The following FBXO34 variants were observed in gnomAD, a reference collection of about 807,000 sequenced individuals.
The protein encoded by FBXO34 is F-box protein 34, also known as F-box only protein 34.
Under a neutral mutation model 24.5 loss-of-function variants are expected in FBXO34, and 12 were observed. That is an observed-to-expected ratio of 0.49 (90% confidence interval 0.31 to 0.79). The LOEUF is 0.79. FBXO34 is among the 30% of genes least tolerant of loss of function. FBXO34 has a pLI of 0.04. For synonymous variants in FBXO34, 320 were observed against 311.9 expected, an observed-to-expected ratio of 1.03 and a Z score of -0.27; for missense variants, 823 against 857.7, an observed-to-expected ratio of 0.96 and a Z score of 0.51.
chr14:55,433,580 T>G, the FBXO34 span: 1 of 1,536,050 alleles, frequency 6.5e-7, no homozygotes, highest in Non-Finnish European at 9.0e-7. Flanking sequence ...TTCCTTGTTT[T>G]ACATACTAAA....
the FBXO34 span, among the ~76,000 whole-genome samples, chr14:55,398,705 C>T: frequency 0.014 from 2,104 of 152,174 alleles, 56 homozygotes; most frequent in African/African-American, 0.048. Flanking sequence ...GAAAGTTCCA[C>T]GCGTACTTGA....
intron 1 of FBXO34, chr14:55,282,235 C>T (rs567369613): frequency 1.5e-4 from 41 of 279,388 alleles, no homozygotes; most frequent in South Asian, 1.3e-3. Context: ...CCTCATGATC[C>T]GCCCGCCTCA....
chr14:55,333,054 G>A (rs1395342544), intron 1 of FBXO34, among the ~76,000 whole-genome samples: 1 of 152,176 alleles, frequency 6.6e-6, no homozygotes, highest in Non-Finnish European at 1.5e-5. Context: ...GAAGATGTGC[G>A]TGTTTTCTCT....
chr14:55,326,416 A>G (rs1883344992), intron 1 of FBXO34, among the ~76,000 whole-genome samples: 1 of 152,194 alleles, frequency 6.6e-6, no homozygotes, highest in African/African-American at 2.4e-5. Context: ...ATGTTGTGTT[A>G]GATTTTGAAG....
chr14:55,323,017 C>CAAAAAA (rs1444620301), intron 1 of FBXO34, among the ~76,000 whole-genome samples: 10 of 40,876 alleles, frequency 2.4e-4, no homozygotes, highest in African/African-American at 7.1e-4. Context: ...ACTAAAAATA[C>CAAAAAA]AAAAAAAAAA....
chr14:55,356,874 G>A (rs1884530434), downstream of FBXO34, among the ~76,000 whole-genome samples: 1 of 152,046 alleles, frequency 6.6e-6, no homozygotes, highest in African/African-American at 2.4e-5. Flanking sequence ...TCAGTCTTCC[G>A]AGTAGCTGCA....
the FBXO34 span, chr14:55,385,869 T>C: frequency 2.0e-5 from 33 of 1,611,236 alleles, no homozygotes; most frequent in Admixed American, 1.7e-4. Flanking sequence ...CTCACACCCG[T>C]CTTTACTTCC....
intron 1 of FBXO34, among the ~76,000 whole-genome samples, chr14:55,274,483 A>T (rs950278890): frequency 5.9e-5 from 9 of 152,140 alleles, no homozygotes; most frequent in Non-Finnish European, 1.0e-4. Flanking sequence ...AAATGGTTTT[A>T]TGGAAATTAA....
At chr14:55,323,210 AAAAAAAAAAT>A (rs1883213282) in intron 1 of FBXO34, among the ~76,000 whole-genome samples, 3 of 33,046 alleles carry the variant, frequency 9.1e-5, no homozygotes, top group Non-Finnish European at 1.3e-4. Context: ...AAAAAAAAAA[AAAAAAAAAAT>A]ATATATTTTT....
chr14:55,380,205 G>A, the FBXO34 span, among the ~76,000 whole-genome samples: 36 of 152,170 alleles, frequency 2.4e-4, no homozygotes, highest in East Asian at 4.1e-3. Context: ...CAGAGATTGC[G>A]CCACTGCACT....
At chr14:55,422,286 A>G in the FBXO34 span, among the ~76,000 whole-genome samples, 1 of 152,154 alleles carries the variant, frequency 6.6e-6, no homozygotes, top group South Asian at 2.1e-4. Flanking sequence ...TGAAATGTAT[A>G]AAAAGACAAA....
At chr14:55,282,077 A>C (rs952559421) in intron 1 of FBXO34, among the ~76,000 whole-genome samples, 7 of 136,896 alleles carry the variant, frequency 5.1e-5, no homozygotes, top group African/African-American at 2.0e-4. Context: ...GCTCTCTGCA[A>C]TCTCCGCCTC....
chr14:55,284,549 C>G (rs1211394180), intron 1 of FBXO34, among the ~76,000 whole-genome samples: 54 of 137,648 alleles, frequency 3.9e-4, no homozygotes, highest in Non-Finnish European at 5.9e-4. Context: ...GATTTATTTT[C>G]TTCTCTTTTT....
intron 1 of FBXO34, among the ~76,000 whole-genome samples, chr14:55,289,703 TTTTA>T (rs752651311): frequency 1.3e-5 from 2 of 151,938 alleles, no homozygotes; most frequent in African/African-American, 4.8e-5. Flanking sequence ...GTCCAGCTAG[TTTTA>T]TTTATTTATT....
chr14:55,408,834 C>T, the FBXO34 span, among the ~76,000 whole-genome samples: 2 of 152,128 alleles, frequency 1.3e-5, no homozygotes, highest in Non-Finnish European at 2.9e-5. Flanking sequence ...TTCAAGGGAG[C>T]ATGAGTCAAA....
At chr14:55,364,626 G>C (rs1237108685), downstream of FBXO34, among the ~76,000 whole-genome samples, 1 of 149,248 alleles carries the variant, frequency 6.7e-6, no homozygotes. Context: ...ATGGGGTTTT[G>C]CCATGTTGGC....
At chr14:55,419,629 A>G in the FBXO34 span, among the ~76,000 whole-genome samples, 1 of 152,188 alleles carries the variant, frequency 6.6e-6, no homozygotes, top group Admixed American at 6.5e-5. Context: ...TTACTTGACT[A>G]TAATTAGGAC....
chr14:55,355,635 G>C (rs1442774053), downstream of FBXO34, among the ~76,000 whole-genome samples: 2 of 152,216 alleles, frequency 1.3e-5, no homozygotes, highest in Non-Finnish European at 2.9e-5. Context: ...GTAGATGGGA[G>C]GCTATGCATT....
intron 1 of FBXO34, among the ~76,000 whole-genome samples, chr14:55,297,489 A>G (rs1032106414): frequency 4.6e-5 from 7 of 152,234 alleles, no homozygotes; most frequent in African/African-American, 1.7e-4. Context: ...AGTTTAAAAT[A>G]CATGTTAAAT....
Sources: allele counts gnomAD v4.1 joint callset (sites outside exome capture counted in the v4.1 genomes callset), GRCh38; gene constraint gnomAD v4.1.1; transcripts MANE v1.5; gene names NCBI Gene and HGNC (gene_info 2026-07-23, HGNC 2026-07-21).